Variants in ETFA observed in about 807,000 individuals in gnomAD.
ETFA encodes electron transfer flavoprotein subunit alpha.
Under a neutral mutation model 46.2 loss-of-function variants are expected in ETFA, and 22 were observed. The ratio of observed to expected loss-of-function variants is 0.48; its 90% CI spans 0.34 to 0.68. The LOEUF (loss-of-function observed/expected upper bound fraction) is 0.68. Ranked by LOEUF, ETFA falls within the 30% of genes least tolerant of loss-of-function variation. ETFA has a pLI of 0.01. For missense variants in ETFA, 345 were observed against 401.1 expected (o/e 0.86, Z 1.19); for synonymous variants, 131 against 139.9 (o/e 0.94, Z 0.45).
rs557603434 is a variant in ETFA, at chr15:76,281,835, G to A, written c.733+1922C>T. ...GGCAGCAGATATATATAAAGCTAAG[G>A]ATCTTGAGAGGGAGTTTATCCTGGA... On this transcript the variant is annotated intron_variant, in intron 8 of 11. Coordinates refer to ENST00000557943, the MANE Select transcript of ETFA (RefSeq NM_000126.4). 1.2e-3 allele frequency among the ~76,000 whole-genome samples: 178 copies of A among 150,658 alleles called. No individual in the cohort carries two copies. In the Middle Eastern group the frequency reaches 0.021, roughly 18 times the overall value.
At position 76,225,887 on chromosome 15, in the gene ETFA, G is replaced by A; in HGVS notation, c.925C>T (p.Gln309Ter). 6.2e-7 allele frequency: 1 copy of A among 1,612,070 alleles called. No homozygotes were observed. Among genetic ancestry groups the A allele is most frequent in the Non-Finnish European group, 8.5e-7 (1 of 1,178,264 alleles). Reference sequence around the variant, plus strand: ...GCAACTATTCCATAATCTGCCACTTGGAAAATTGGAGCTTCTGGGTCTTTA... The same window carrying A: ...GCAACTATTCCATAATCTGCCACTTAGAAAATTGGAGCTTCTGGGTCTTTA... ...INKDPEAPIF[Q>*]VADYGIVADL... is the part of the protein sequence containing the mutation. The change falls in exon 11 of 12, where the codon CAA becomes TAA. Residue 309 changes from glutamine (Q) to a stop codon, truncating the protein, a stop_gained. Coordinates refer to ENST00000557943, the MANE Select transcript of ETFA (RefSeq NM_000126.4). LOFTEE classifies it high-confidence loss of function.
intron 9 of ETFA, among the ~76,000 whole-genome samples, chr15:76,242,460 AAGC>A (rs1335791282): frequency 1.3e-5 from 2 of 152,218 alleles, no homozygotes; most frequent in East Asian, 3.8e-4. Context: ...GAGAGCTACA[AAGC>A]AACCAGAGGA....
In ETFA at chr15:76,285,687, G is replaced by A. The variant is rs776679212; in HGVS notation, c.614C>T (p.Thr205Ile). ...TGTTAGCTCTGGTCGATCACTTTTTGTTAATTTCTGGTCAAGCCACTCTGA... is the reference window on the plus strand; with the variant it reads ...TGTTAGCTCTGGTCGATCACTTTTTATTAATTTCTGGTCAAGCCACTCTGA... The part of the protein sequence containing the change: ...EISEWLDQKL[T>I]KSDRPELTGA... Residue 205 changes from threonine (T) to isoleucine (I), a missense_variant, in exon 7 of 12, where the codon ACA becomes ATA. Transcript: ENST00000557943. The A allele has an allele frequency of 1.2e-6, 2 of 1,612,608 alleles. No homozygotes were observed. Among genetic ancestry groups the A allele is most frequent in the African/African-American group, 1.3e-5 (1 of 74,838 alleles).
intron 9 of ETFA, among the ~76,000 whole-genome samples, chr15:76,241,440 G>A (rs924825058): frequency 6.6e-6 from 1 of 151,736 alleles, no homozygotes; most frequent in Non-Finnish European, 1.5e-5. Flanking sequence ...GGAGGTTGAA[G>A]CTGCAGTGAG....
At chr15:76,258,229 G>A (rs1200698459) in intron 9 of ETFA, among the ~76,000 whole-genome samples, 1 of 152,086 alleles carries the variant, frequency 6.6e-6, no homozygotes, top group East Asian at 1.9e-4. Context: ...CAGATTGTGG[G>A]CATGGAGAGG....
chr15:76,294,170 A>T (rs2039795493), intron 2 of ETFA, among the ~76,000 whole-genome samples: 2 of 152,208 alleles, frequency 1.3e-5, no homozygotes, highest in Non-Finnish European at 2.9e-5. Flanking sequence ...TTCTATTTTG[A>T]TTTTTCTCAA....
At chr15:76,216,840 C>CAT (rs765636146) in intron 11 of ETFA, among the ~76,000 whole-genome samples, 4 of 89,286 alleles carry the variant, frequency 4.5e-5, no homozygotes, top group Non-Finnish European at 8.1e-5. Context: ...TGCCTTTTGC[C>CAT]TTTTTTTTTT....
intron 11 of ETFA, among the ~76,000 whole-genome samples, chr15:76,222,325 T>A (rs1424103556): frequency 7.4e-6 from 1 of 134,588 alleles, no homozygotes; most frequent in Non-Finnish European, 1.6e-5. Flanking sequence ...ACAAATATTG[T>A]ATTTTTTATT....
At position 76,225,865 on chromosome 15, in the gene ETFA, A is replaced by G. The variant is rs2038998808; in HGVS notation, c.947T>C (p.Val316Ala). The change falls in exon 11 of 12, where the codon GTT becomes GCT. Residue 316 changes from valine to alanine, a missense_variant. Val to Ala is a moderately conservative substitution (Grantham distance 64, BLOSUM62 0). Coordinates refer to ENST00000557943, the MANE Select transcript of ETFA (RefSeq NM_000126.4). Reference sequence around the variant, plus strand: ...CCAGCTTACCTTAAATAAATCTGCAACTATTCCATAATCTGCCACTTGGAA... The same window carrying G: ...CCAGCTTACCTTAAATAAATCTGCAGCTATTCCATAATCTGCCACTTGGAA... ...PIFQVADYGI[V>A]ADLFKVVPEM... is the part of the protein sequence containing the mutation. 1 of 1,607,084 alleles carries G rather than the reference A, an allele frequency of 6.2e-7. No homozygotes were observed. Among genetic ancestry groups the G allele is most frequent in the Non-Finnish European group, 8.5e-7 (1 of 1,173,656 alleles).
chr15:76,257,938 A>T (rs1358292330), intron 9 of ETFA, among the ~76,000 whole-genome samples: 2 of 145,752 alleles, frequency 1.4e-5, no homozygotes, highest in Non-Finnish European at 3.0e-5. Flanking sequence ...CAAACAACGC[A>T]TGTTCTCACT....
intron 1 of ETFA, among the ~76,000 whole-genome samples, chr15:76,304,684 G>A (rs2070218308): frequency 6.7e-6 from 1 of 150,204 alleles, no homozygotes; most frequent in Non-Finnish European, 1.5e-5. Flanking sequence ...AAAAAATTGG[G>A]GGAAAAAATA....
chr15:76,281,990 G>T (rs1439713959), intron 8 of ETFA, among the ~76,000 whole-genome samples: 1 of 133,196 alleles, frequency 7.5e-6, no homozygotes, highest in Non-Finnish European at 1.5e-5. Flanking sequence ...TGCAACCTCC[G>T]CCTTCTAGGT....
At chr15:76,227,966 C>T (rs1386462140) in intron 10 of ETFA, 7 of 455,922 alleles carry the variant, frequency 1.5e-5, no homozygotes, top group Admixed American at 2.4e-5. Flanking sequence ...AAGTTTCAAA[C>T]GTGAGCCTCA....
At chr15:76,273,105 C>CA (rs1370451237) in intron 9 of ETFA, among the ~76,000 whole-genome samples, 4 of 151,646 alleles carry the variant, frequency 2.6e-5, no homozygotes, top group African/African-American at 9.7e-5. Flanking sequence ...CTCTACTCAT[C>CA]AAAAGAAAAT....
chr15:76,289,298 G>A (rs1288690369), intron 4 of ETFA, among the ~76,000 whole-genome samples: 2 of 152,278 alleles, frequency 1.3e-5, no homozygotes, highest in East Asian at 3.9e-4. Flanking sequence ...GCTTCAGTAA[G>A]TAATCCTCCT....
intron 1 of ETFA, among the ~76,000 whole-genome samples, chr15:76,298,493 A>G (rs971012426): frequency 1.3e-5 from 2 of 152,168 alleles, no homozygotes; most frequent in African/African-American, 4.8e-5. Flanking sequence ...CCAAACTAAC[A>G]TTGATGGAGC....
chr15:76,277,144 A>C (rs1303026582), intron 8 of ETFA, among the ~76,000 whole-genome samples: 1 of 152,220 alleles, frequency 6.6e-6, no homozygotes, highest in Non-Finnish European at 1.5e-5. Context: ...CAATAAGACC[A>C]TATTGAGACT....
intron 10 of ETFA, chr15:76,227,940 G>A (rs1001742351): frequency 4.4e-5 from 20 of 455,976 alleles, no homozygotes; most frequent in African/African-American, 3.8e-4. Flanking sequence ...AAGATGCATA[G>A]TCAGAGACAA....
chr15:76,258,625 A>T (rs925125704), intron 9 of ETFA, among the ~76,000 whole-genome samples: 1 of 152,254 alleles, frequency 6.6e-6, no homozygotes. Context: ...CAGCAGGAGC[A>T]GCTCAGCGGG....
Sources: gnomAD v4.1 joint callset for allele counts (sites outside exome capture counted in the v4.1 genomes callset) on GRCh38, gnomAD v4.1.1 for gene constraint, MANE v1.5 for transcripts, NCBI Gene and HGNC (gene_info 2026-07-23, HGNC 2026-07-21) for gene names.